DPP6: variants seen among roughly 807,000 people sequenced by gnomAD.
The protein encoded by DPP6 is A-type potassium channel modulatory protein DPP6.
In DPP6, 69 loss-of-function variants were observed where a neutral mutation model predicts 122.6. The observed-to-expected ratio is 0.56, with a 90% CI of 0.46 to 0.69. The LOEUF is 0.69. Among genes scored for constraint, DPP6 ranks in the 30% least tolerant of loss-of-function variants. DPP6 has a pLI of 0.00. For synonymous variants in DPP6, 418 were observed against 433.1 expected, an observed-to-expected ratio of 0.97 and a Z score of 0.43; for missense variants, 928 against 1,116.9, an observed-to-expected ratio of 0.83 and a Z score of 2.41.
intron 1 of DPP6, among the ~76,000 whole-genome samples, chr7:153,930,153 T>G (rs1205369642): frequency 6.6e-6 from 1 of 152,220 alleles, no homozygotes; most frequent in Non-Finnish European, 1.5e-5. Flanking sequence ...GGCTACAGTG[T>G]GAAGCAACCA....
At chr7:154,036,037 T>C (rs1462144787) in intron 1 of DPP6, among the ~76,000 whole-genome samples, 3 of 152,024 alleles carry the variant, frequency 2.0e-5, no homozygotes, top group African/African-American at 7.3e-5. Flanking sequence ...TGTGTGTGTG[T>C]GTGTGTGTGT....
chr7:153,790,527 A>C, the DPP6 span, among the ~76,000 whole-genome samples: 13 of 152,192 alleles, frequency 8.5e-5, no homozygotes, highest in East Asian at 1.7e-3. Flanking sequence ...CTAAGAGAAG[A>C]CTTCATAAGG....
At chr7:154,154,094 G>A (rs1248136220) in intron 1 of DPP6, among the ~76,000 whole-genome samples, 20 of 152,374 alleles carry the variant, frequency 1.3e-4, no homozygotes, top group African/African-American at 4.8e-4. Flanking sequence ...ACTTCAGGCA[G>A]CAGGAAAAGT....
the DPP6 span, among the ~76,000 whole-genome samples, chr7:153,849,310 G>A: frequency 6.6e-6 from 1 of 150,704 alleles, no homozygotes; most frequent in South Asian, 2.1e-4. Flanking sequence ...AGCTTATTGA[G>A]ACTGAAGCAG....
chr7:154,743,185 G>A (rs1267300896), intron 8 of DPP6, among the ~76,000 whole-genome samples: 4 of 152,168 alleles, frequency 2.6e-5, no homozygotes, highest in African/African-American at 4.8e-5. Flanking sequence ...CATTTTGGAT[G>A]TGGCTTCTCT....
chr7:154,106,391 A>C lies in DPP6; in HGVS notation c.243+53328A>C, dbSNP rs574382462. Among the ~76,000 whole-genome samples, 205 of 118,132 alleles carry C rather than the reference A, an allele frequency of 1.7e-3. 1 individual carries two copies. The highest frequency in any genetic ancestry group is 6.6e-3 in the African/African-American group (197 of 29,734). 77.5% of individuals were successfully genotyped at this position (118,132 alleles called of 152,430 possible). On this transcript the variant is annotated intron_variant, in intron 1 of 25. Transcript: ENST00000377770. Reference sequence around the variant, plus strand: ...GTGTTTATAGAATGTGATGGTAGACATGGAGTGTGGTGGGGTGAGCAGAGC... The same window carrying C: ...GTGTTTATAGAATGTGATGGTAGACCTGGAGTGTGGTGGGGTGAGCAGAGC...
intron 16 of DPP6, among the ~76,000 whole-genome samples, chr7:154,808,312 G>A (rs907677860): frequency 3.9e-5 from 6 of 152,152 alleles, no homozygotes; most frequent in African/African-American, 1.4e-4. Context: ...GCAGAACAGG[G>A]ACACTCAGCC....
chr7:154,689,086 C>G (rs1181536330), intron 7 of DPP6, among the ~76,000 whole-genome samples: 1 of 152,174 alleles, frequency 6.6e-6, no homozygotes, highest in Non-Finnish European at 1.5e-5. Flanking sequence ...TGCCTTATTT[C>G]CTGATCTTAC....
At chr7:154,682,075 A>G (rs966880439) in intron 7 of DPP6, among the ~76,000 whole-genome samples, 12 of 152,226 alleles carry the variant, frequency 7.9e-5, no homozygotes, top group African/African-American at 2.9e-4. Context: ...ATAAGGTCCA[A>G]CATTCATGGA....
intron 5 of DPP6, among the ~76,000 whole-genome samples, chr7:154,616,539 A>G (rs906690025): frequency 1.3e-5 from 2 of 152,274 alleles, no homozygotes; most frequent in South Asian, 2.1e-4. Context: ...CTGGGAGGCT[A>G]TGGGAGACCA....
At chr7:154,459,733 C>T (rs1821112251) in intron 2 of DPP6, among the ~76,000 whole-genome samples, 1 of 137,310 alleles carries the variant, frequency 7.3e-6, no homozygotes, top group Non-Finnish European at 1.5e-5. Context: ...AGGAGAATTG[C>T]TTGAATCCGG....
intron 1 of DPP6, among the ~76,000 whole-genome samples, chr7:154,230,065 G>T (rs1012787721): frequency 3.3e-5 from 5 of 152,112 alleles, no homozygotes; most frequent in African/African-American, 7.2e-5. Flanking sequence ...GTTAGAGTTT[G>T]CAAGATCTGA....
intron 5 of DPP6, among the ~76,000 whole-genome samples, chr7:154,598,607 A>G (rs1418011442): frequency 6.6e-6 from 1 of 152,192 alleles, no homozygotes; most frequent in Non-Finnish European, 1.5e-5. Flanking sequence ...TCCCCTAGAA[A>G]CAATCAAACA....
At chr7:154,681,403 A>G (rs1839270936) in intron 7 of DPP6, among the ~76,000 whole-genome samples, 1 of 152,246 alleles carries the variant, frequency 6.6e-6, no homozygotes, top group South Asian at 2.1e-4. Flanking sequence ...ATTAAGGAAG[A>G]GTGCACTTAG....
chr7:154,386,388 G>T (rs1336421768), intron 1 of DPP6, among the ~76,000 whole-genome samples: 1 of 152,026 alleles, frequency 6.6e-6, no homozygotes, highest in East Asian at 1.9e-4. Context: ...AGATTTGCAG[G>T]AGGAGACTGA....
intron 10 of DPP6, among the ~76,000 whole-genome samples, chr7:154,780,491 C>T (rs551861544): frequency 3.9e-5 from 6 of 152,308 alleles, no homozygotes; most frequent in South Asian, 2.1e-4. Context: ...TGGGATTCTG[C>T]GTCGCCATCC....
chr7:154,553,740 A>T (rs1201440644), intron 4 of DPP6, among the ~76,000 whole-genome samples: 1 of 152,096 alleles, frequency 6.6e-6, no homozygotes, highest in South Asian at 2.1e-4. Context: ...GATAGGGCTG[A>T]GGCCGCCATT....
intron 3 of DPP6, among the ~76,000 whole-genome samples, chr7:154,497,287 A>C (rs893158902): frequency 3.9e-5 from 6 of 152,118 alleles, no homozygotes; most frequent in African/African-American, 1.4e-4. Flanking sequence ...GGTGAGAAGA[A>C]GGGAGTGTTG....
intron 3 of DPP6, among the ~76,000 whole-genome samples, chr7:154,511,107 T>A (rs1043977955): frequency 1.3e-5 from 2 of 150,228 alleles, no homozygotes; most frequent in African/African-American, 5.0e-5. Flanking sequence ...TCGATATCAC[T>A]TTCTTAGGAA....
Sources: allele counts gnomAD v4.1 joint callset (sites outside exome capture counted in the v4.1 genomes callset), GRCh38; gene constraint gnomAD v4.1.1; transcripts MANE v1.5; gene names NCBI Gene and HGNC (gene_info 2026-07-23, HGNC 2026-07-21).